SYNPR: variants seen among roughly 807,000 people sequenced by gnomAD.
SYNPR encodes the protein synaptoporin.
Under a neutral mutation model 32.9 loss-of-function variants are expected in SYNPR, and 23 were observed. That is an observed-to-expected ratio of 0.70 (90% confidence interval 0.50 to 0.99). The LOEUF is 0.99. SYNPR is among the 50% of genes least tolerant of loss of function. The probability of loss-of-function intolerance (pLI) is 0.00; values close to 1 mark genes in which losing one functional copy is unlikely to be tolerated. For missense variants in SYNPR, 318 were observed against 349.3 expected, an observed-to-expected ratio of 0.91 and a Z score of 0.71; for synonymous variants, 146 against 135.9, an observed-to-expected ratio of 1.07 and a Z score of -0.52.
intron 3 of SYNPR, among the ~76,000 whole-genome samples, chr3:63,546,561 A>AGAGTATT (rs1399531303): frequency 6.6e-6 from 1 of 152,098 alleles, no homozygotes; most frequent in Admixed American, 6.6e-5. Flanking sequence ...AGTGTAGAAA[A>AGAGTATT]GAGTATTGTT....
At chr3:63,451,752 T>C (rs1700383689) in intron 2 of SYNPR, among the ~76,000 whole-genome samples, 2 of 152,298 alleles carry the variant, frequency 1.3e-5, no homozygotes, top group African/African-American at 4.8e-5. Flanking sequence ...AGAAAGCCTC[T>C]CTTTGCCTGC....
At chr3:63,232,192 C>CTTTTT (rs57078088) in intron 1 of SYNPR, among the ~76,000 whole-genome samples, 4,356 of 59,536 alleles carry the variant, frequency 0.073, 742 homozygotes, top group Non-Finnish European at 0.096. Context: ...CAGATTCTGA[C>CTTTTT]TTTTTTTTTT....
chr3:63,222,861 T>C, the SYNPR span, among the ~76,000 whole-genome samples: 152 of 152,304 alleles, frequency 1.0e-3, 1 homozygote, highest in African/African-American at 3.4e-3. Flanking sequence ...CAAGTGTTTG[T>C]TGTGTTTGTT....
At chr3:63,285,158 C>A (rs1439911237) in intron 2 of SYNPR, among the ~76,000 whole-genome samples, 2 of 152,156 alleles carry the variant, frequency 1.3e-5, no homozygotes, top group South Asian at 2.1e-4. Flanking sequence ...TATTTGAGGT[C>A]TTTTCTGAAA....
rs1036680187 is a variant in SYNPR at position 63,486,248 on chromosome 3, T to C, written c.209+5292T>C. Among the ~76,000 whole-genome samples the C allele has an allele frequency of 2.6e-5, 4 of 152,160 alleles. No homozygotes were observed. The East Asian group carries it at 7.7e-4, about 29-fold the overall frequency. On this transcript the variant is annotated intron_variant, in intron 3 of 5. Coordinates refer to ENST00000478300, the MANE Select transcript of SYNPR (RefSeq NM_001130003.2). ...CTGTTAAAGGGCTTTCTCTCACCGC[T>C]GGAACCTGTTTGGTCTATAGGCAGA... is the stretch of plus-strand genomic sequence containing the variant.
intron 3 of SYNPR, among the ~76,000 whole-genome samples, chr3:63,488,361 A>G (rs1362036887): frequency 6.6e-6 from 1 of 152,226 alleles, no homozygotes; most frequent in African/African-American, 2.4e-5. Context: ...AATTTTGTGT[A>G]TGATGAGACC....
the SYNPR span, among the ~76,000 whole-genome samples, chr3:63,219,867 G>A: frequency 6.6e-6 from 1 of 152,074 alleles, no homozygotes; most frequent in African/African-American, 2.4e-5. Context: ...ATGTGGAAGG[G>A]GAGGCAAGGG....
In SYNPR at chr3:63,612,304, G is replaced by A. The variant is rs183738778; in HGVS notation, c.601-2920G>A. On this transcript the variant is annotated intron_variant, in intron 5 of 5. Coordinates refer to ENST00000478300, the MANE Select transcript of SYNPR (RefSeq NM_001130003.2). ...CAACTGAAAATGGCTACTAAAATACGGTCATTCCCAAATGTCATACAGTGT... is the reference window on the plus strand; with the variant it reads ...CAACTGAAAATGGCTACTAAAATACAGTCATTCCCAAATGTCATACAGTGT... Among the ~76,000 whole-genome samples the A allele has an allele frequency of 2.8e-3, 431 of 152,166 alleles. 3 individuals carry two copies. The highest frequency in any genetic ancestry group is 0.015 in the Admixed American group (225 of 15,272).
chr3:63,222,160 T>C, the SYNPR span, among the ~76,000 whole-genome samples: 3 of 151,764 alleles, frequency 2.0e-5, no homozygotes, highest in African/African-American at 7.3e-5. Flanking sequence ...AGAATAGAAT[T>C]GAGCAACTGT....
intron 2 of SYNPR, among the ~76,000 whole-genome samples, chr3:63,438,626 C>G (rs1277579013): frequency 6.6e-6 from 1 of 152,152 alleles, no homozygotes; most frequent in African/African-American, 2.4e-5. Flanking sequence ...CTTTCTCTTA[C>G]AAGGAAAATA....
chr3:63,580,452 C>T (rs929704091), intron 4 of SYNPR, among the ~76,000 whole-genome samples: 3 of 152,134 alleles, frequency 2.0e-5, no homozygotes, highest in African/African-American at 7.2e-5. Flanking sequence ...GAGATAATAC[C>T]AACAAAAGCC....
At chr3:63,471,582 T>A (rs1237822499) in intron 2 of SYNPR, among the ~76,000 whole-genome samples, 1 of 152,206 alleles carries the variant, frequency 6.6e-6, no homozygotes, top group Admixed American at 6.5e-5. Context: ...CATTCATCTG[T>A]CTACTGGGGG....
At chr3:63,379,152 A>T (rs1051737053) in intron 2 of SYNPR, among the ~76,000 whole-genome samples, 2 of 152,040 alleles carry the variant, frequency 1.3e-5, no homozygotes, top group Non-Finnish European at 2.9e-5. Flanking sequence ...GTTTGGTTTC[A>T]TTGAGTATTC....
chr3:63,512,487 C>T (rs1171003596), intron 3 of SYNPR, among the ~76,000 whole-genome samples: 6 of 152,134 alleles, frequency 3.9e-5, no homozygotes, highest in African/African-American at 1.2e-4. Flanking sequence ...TTAAATAGAG[C>T]TGTTATCCTG....
chr3:63,252,346 TGTTTAG>T (rs1238061664), intron 1 of SYNPR, among the ~76,000 whole-genome samples: 1 of 152,202 alleles, frequency 6.6e-6, no homozygotes, highest in Non-Finnish European at 1.5e-5. Context: ...CTTTACATCA[TGTTTAG>T]TGATCCATTA....
intron 2 of SYNPR, among the ~76,000 whole-genome samples, chr3:63,428,747 A>G (rs58614274): frequency 0.13 from 20,516 of 152,238 alleles, 1,482 homozygotes; most frequent in Middle Eastern, 0.17. Context: ...CTTCAGTGTC[A>G]TCCAGCAGGC....
At chr3:63,262,715 T>C (rs527491618) in intron 2 of SYNPR, among the ~76,000 whole-genome samples, 4 of 152,204 alleles carry the variant, frequency 2.6e-5, no homozygotes, top group Non-Finnish European at 5.9e-5. Flanking sequence ...ATGGAGACAG[T>C]GGCCAAGCAG....
At chr3:63,498,803 G>A (rs1701422695) in intron 3 of SYNPR, among the ~76,000 whole-genome samples, 2 of 151,828 alleles carry the variant, frequency 1.3e-5, no homozygotes, top group African/African-American at 2.4e-5. Context: ...AGATGAAAGG[G>A]GCATCTTTTA....
At chr3:63,438,909 G>A (rs73110877) in intron 2 of SYNPR, among the ~76,000 whole-genome samples, 18,992 of 152,166 alleles carry the variant, frequency 0.12, 1,402 homozygotes, top group East Asian at 0.29. Context: ...ATCTTTGATT[G>A]CCTCCTTTCT....
Sources: allele counts gnomAD v4.1 joint callset (sites outside exome capture counted in the v4.1 genomes callset), GRCh38; gene constraint gnomAD v4.1.1; transcripts MANE v1.5; gene names NCBI Gene and HGNC (gene_info 2026-07-23, HGNC 2026-07-21).